ALK: variants seen among roughly 807,000 people sequenced by gnomAD.
ALK encodes the protein ALK tyrosine kinase receptor.
ALK carries 74 observed loss-of-function variants against 163.1 expected under a neutral mutation model. That is an observed-to-expected ratio of 0.45 (90% CI 0.38 to 0.55). ALK has a LOEUF of 0.55. Among genes scored for constraint, ALK ranks in the 20% least tolerant of loss-of-function variants. The probability of loss-of-function intolerance (pLI) is 0.00; values close to 1 mark genes in which losing one functional copy is unlikely to be tolerated. For missense variants in ALK, 2,063 were observed against 2,105.3 expected (o/e 0.98, Z 0.39); for synonymous variants, 960 against 843.2 (o/e 1.14, Z -2.40).
At chr2:29,392,151 T>C (rs1162354771) in intron 4 of ALK, among the ~76,000 whole-genome samples, 1 of 152,222 alleles carries the variant, frequency 6.6e-6, no homozygotes, top group Non-Finnish European at 1.5e-5. Context: ...GAGCCTCCCA[T>C]TCCAGACATA....
Position 29,694,894 on chromosome 2 carries a change from AAG to A in ALK, c.906_907del (p.Leu303AlafsTer10). ...ACGCTCTGCCCCAGGCCCATCCAGCAAGTCCATCTGGGAGGCCTCCTCGGAGG... is the reference window on the plus strand; with the variant it reads ...ACGCTCTGCCCCAGGCCCATCCAGCATCCATCTGGGAGGCCTCCTCGGAGG... On this transcript the variant is annotated frameshift_variant, in exon 3 of 29. Coordinates refer to ENST00000389048, the MANE Select transcript of ALK (RefSeq NM_004304.5). LOFTEE classifies it high-confidence loss of function. 1 of 1,614,088 alleles carries A rather than the reference AAG, an allele frequency of 6.2e-7. No individual in the cohort carries two copies. Among genetic ancestry groups the A allele is most frequent in the Non-Finnish European group, 8.5e-7 (1 of 1,179,970 alleles).
At chr2:29,894,494 T>C (rs910225665) in intron 1 of ALK, among the ~76,000 whole-genome samples, 7 of 151,950 alleles carry the variant, frequency 4.6e-5, no homozygotes, top group African/African-American at 7.2e-5. Flanking sequence ...GAGAAAACAT[T>C]CAACAAAGTG....
At chr2:29,222,074 G>C (rs1352742224) in intron 22 of ALK, among the ~76,000 whole-genome samples, 1 of 152,140 alleles carries the variant, frequency 6.6e-6, no homozygotes, top group African/African-American at 2.4e-5. Flanking sequence ...GAGGGAAGAA[G>C]AACCAGTGGA....
intron 1 of ALK, among the ~76,000 whole-genome samples, chr2:29,895,767 T>C (rs1371453707): frequency 6.6e-6 from 1 of 152,212 alleles, no homozygotes; most frequent in Non-Finnish European, 1.5e-5. Flanking sequence ...TACCATCTTA[T>C]TGGCCAGTTT....
chr2:29,308,737 A>G (rs1666603287), intron 8 of ALK, among the ~76,000 whole-genome samples: 1 of 152,198 alleles, frequency 6.6e-6, no homozygotes, highest in Non-Finnish European at 1.5e-5. Flanking sequence ...CTTTAATAAG[A>G]TTATATGAGA....
intron 4 of ALK, among the ~76,000 whole-genome samples, chr2:29,413,587 A>T (rs1294256252): frequency 6.6e-6 from 1 of 151,936 alleles, no homozygotes; most frequent in Non-Finnish European, 1.5e-5. Flanking sequence ...GCTGGAGTGC[A>T]GTGGTGCAAT....
At chr2:29,206,537 A>G (rs924073532) in intron 26 of ALK, among the ~76,000 whole-genome samples, 2 of 151,926 alleles carry the variant, frequency 1.3e-5, no homozygotes, top group African/African-American at 2.4e-5. Context: ...CTCCCAAAGT[A>G]TTGGGATTAC....
intron 4 of ALK, among the ~76,000 whole-genome samples, chr2:29,422,119 A>G (rs1020800800): frequency 1.3e-5 from 2 of 151,468 alleles, no homozygotes; most frequent in Admixed American, 1.3e-4. Flanking sequence ...GACCAAAGCC[A>G]GGTAGTCTTT....
At chr2:29,449,853 T>C (rs1670778255) in intron 4 of ALK, among the ~76,000 whole-genome samples, 1 of 152,226 alleles carries the variant, frequency 6.6e-6, no homozygotes, top group African/African-American at 2.4e-5. Context: ...TCTTTACTTG[T>C]GTGAAATTGG....
At chr2:29,434,465 A>G (rs1415957153) in intron 4 of ALK, among the ~76,000 whole-genome samples, 1 of 152,220 alleles carries the variant, frequency 6.6e-6, no homozygotes, top group Non-Finnish European at 1.5e-5. Context: ...AAACACGTTC[A>G]TCAATTTAAG....
At chr2:29,209,071 G>GGATGCA (rs1489498634) in intron 25 of ALK, among the ~76,000 whole-genome samples, 1 of 152,158 alleles carries the variant, frequency 6.6e-6, no homozygotes, top group Non-Finnish European at 1.5e-5. Context: ...GCCCGACCTG[G>GGATGCA]GATGCAGATG....
At chr2:29,386,808 T>C (rs1669042321) in intron 4 of ALK, among the ~76,000 whole-genome samples, 1 of 152,210 alleles carries the variant, frequency 6.6e-6, no homozygotes, top group Non-Finnish European at 1.5e-5. Flanking sequence ...CCAGGGAAGT[T>C]GGGACTAGAA....
intron 3 of ALK, among the ~76,000 whole-genome samples, chr2:29,671,229 G>A (rs1677676615): frequency 6.6e-6 from 1 of 152,000 alleles, no homozygotes; most frequent in Non-Finnish European, 1.5e-5. Context: ...GTTCACCTCT[G>A]CGCTAATAAA....
intron 12 of ALK, among the ~76,000 whole-genome samples, chr2:29,247,851 T>C (rs1213950142): frequency 1.3e-5 from 2 of 152,002 alleles, no homozygotes; most frequent in East Asian, 3.9e-4. Flanking sequence ...GGCTCCCACC[T>C]TTCTGTTTCC....
chr2:29,352,164 G>GCACCCT (rs1380362961), intron 5 of ALK, among the ~76,000 whole-genome samples: 2 of 152,210 alleles, frequency 1.3e-5, no homozygotes, highest in African/African-American at 4.8e-5. Context: ...CATCTGTGCT[G>GCACCCT]CACCCTCACC....
intron 1 of ALK, among the ~76,000 whole-genome samples, chr2:29,795,789 G>A (rs1016074185): frequency 1.3e-5 from 2 of 152,168 alleles, no homozygotes; most frequent in Middle Eastern, 3.4e-3. Context: ...GTTATCTTTG[G>A]TGGGTAGTAT....
intron 1 of ALK, among the ~76,000 whole-genome samples, chr2:29,754,475 A>C (rs2148332926): frequency 6.6e-6 from 1 of 152,128 alleles, no homozygotes; most frequent in East Asian, 1.9e-4. Context: ...TGTGATGAGG[A>C]ATACCAAATA....
At chr2:29,897,573 C>T (rs1454377897) in intron 1 of ALK, among the ~76,000 whole-genome samples, 1 of 152,126 alleles carries the variant, frequency 6.6e-6, no homozygotes, top group Non-Finnish European at 1.5e-5. Flanking sequence ...TCCCTGATGG[C>T]TCCTCCCTCC....
chr2:29,306,892 C>T (rs1237145107), intron 8 of ALK, among the ~76,000 whole-genome samples: 1 of 152,152 alleles, frequency 6.6e-6, no homozygotes, highest in African/African-American at 2.4e-5. Context: ...AGTACGCCAC[C>T]AGCAATTATA....
Sources: gnomAD v4.1 joint callset for allele counts (sites outside exome capture counted in the v4.1 genomes callset) on GRCh38, gnomAD v4.1.1 for gene constraint, MANE v1.5 for transcripts, NCBI Gene and HGNC (gene_info 2026-07-23, HGNC 2026-07-21) for gene names.